CC2D1A: variants seen among roughly 807,000 people sequenced by gnomAD.
CC2D1A encodes the protein coiled-coil and C2 domain containing 1A, also known as coiled-coil and C2 domain-containing protein 1A.
Under a neutral mutation model 123.8 loss-of-function variants are expected in CC2D1A, and 68 were observed. That is an observed-to-expected ratio of 0.55 (90% CI 0.45 to 0.67). The LOEUF is 0.67. Among genes scored for constraint, CC2D1A ranks in the 30% least tolerant of loss-of-function variants. The pLI is 0.00. For synonymous variants in CC2D1A, 477 were observed against 528.0 expected (o/e 0.90, Z 1.32); for missense variants, 1,185 against 1,290.3 (o/e 0.92, Z 1.25).
Position 13,926,584 on chromosome 19 carries a change from C to A in CC2D1A, c.2008C>A (p.Pro670Thr), listed in dbSNP as rs1234777267. ...CGTGAAGGGCATCAACTTGCCCACA[C>A]CCCCAGGTGAGGGGGCTGTAGGCAA... ...FIVKGINLPT[P>T]PGLSPGDLDV... The change falls in exon 18 of 29, where the codon CCC becomes ACC. Residue 670 changes from proline to threonine, a missense_variant. Coordinates refer to ENST00000318003, the MANE Select transcript of CC2D1A (RefSeq NM_017721.5). 4 of 1,614,096 alleles carry A rather than the reference C, an allele frequency of 2.5e-6. No homozygotes were observed. The highest frequency in any genetic ancestry group is 4.5e-5 in the East Asian group (2 of 44,864).
At chr19:13,908,173 T>G (rs1970862565) in intron 1 of CC2D1A, among the ~76,000 whole-genome samples, 1 of 151,782 alleles carries the variant, frequency 6.6e-6, no homozygotes, top group African/African-American at 2.4e-5. Flanking sequence ...GCCTGGTTAA[T>G]TTTGTATTTT....
At chr19:13,929,093 T>A (rs1315888885) in intron 24 of CC2D1A, among the ~76,000 whole-genome samples, 1 of 145,454 alleles carries the variant, frequency 6.9e-6, no homozygotes, top group African/African-American at 2.6e-5. Context: ...AACCTCCAGC[T>A]CCCAGGTTCA....
chr19:13,912,935 C>T (rs577093536), intron 4 of CC2D1A, among the ~76,000 whole-genome samples: 93 of 152,314 alleles, frequency 6.1e-4, no homozygotes, highest in African/African-American at 2.0e-3. Context: ...CGTGAGCCAC[C>T]GCGCCTGGCC....
At chr19:13,909,275 T>C (rs1308039702) in intron 1 of CC2D1A, among the ~76,000 whole-genome samples, 1 of 151,786 alleles carries the variant, frequency 6.6e-6, no homozygotes, top group East Asian at 1.9e-4. Context: ...ACTCGGGATG[T>C]TGAGGCAGGA....
rs1324723114 is a variant in CC2D1A at position 13,923,477 on chromosome 19, C to T, written c.1764+22C>T. 1.2e-6 allele frequency: 2 copies of T among 1,614,152 alleles called. No individual in the cohort carries two copies. Among genetic ancestry groups the T allele is most frequent in the South Asian group, 2.2e-5 (2 of 91,084 alleles). On this transcript the variant is annotated intron_variant, in intron 15 of 28. Coordinates refer to ENST00000318003, the MANE Select transcript of CC2D1A (RefSeq NM_017721.5). The surrounding 1 kb of genome is among the most constrained non-coding windows in gnomAD (Gnocchi z 5.3). The stretch of plus-strand genomic sequence containing the variant: ...CGAGGTGAGGGGGAGGCCCCCAGCC[C>T]ATCCCCCAGGAGCGTGACCCTCCTT...
At chr19:13,922,544 G>T (rs2145346302) in intron 14 of CC2D1A, among the ~76,000 whole-genome samples, 1 of 152,220 alleles carries the variant, frequency 6.6e-6, no homozygotes, top group South Asian at 2.1e-4. Context: ...AGATCCCTCT[G>T]CTCCTCCTCC....
At chr19:13,913,974 C>G (rs1193827175) in intron 6 of CC2D1A, among the ~76,000 whole-genome samples, 1 of 151,662 alleles carries the variant, frequency 6.6e-6, no homozygotes, top group African/African-American at 2.4e-5. Flanking sequence ...CTCCACCTCC[C>G]AAGTTCAAGC....
chr19:13,921,281 C>T (rs1488599399), intron 14 of CC2D1A, among the ~76,000 whole-genome samples: 1 of 152,174 alleles, frequency 6.6e-6, no homozygotes, highest in Non-Finnish European at 1.5e-5. Context: ...ATCACTATTG[C>T]TTGTCTCCCA....
intron 5 of CC2D1A, 31 bp from the exon 6 acceptor site, chr19:13,913,373 C>T (rs1429270983): frequency 6.2e-7 from 1 of 1,610,018 alleles, no homozygotes; most frequent in East Asian, 2.2e-5. Flanking sequence ...CTCTTGGCTT[C>T]TCCCAAACCA....
rs542195640 is a variant in CC2D1A at position 13,926,057 on chromosome 19, T to C, written c.1941-460T>C. ...ATATATATATATACACGTATATATA[T>C]GTATATATACACACACACACACACA... On this transcript the variant is annotated intron_variant, in intron 17 of 28. Transcript: ENST00000318003. 4.5e-4 allele frequency among the ~76,000 whole-genome samples: 56 copies of C among 125,216 alleles called. No individual in the cohort carries two copies. In the East Asian group the frequency reaches 8.0e-3, roughly 18 times the overall value. The allele number at this position is 125,216 out of a possible 152,430, so 82.1% of individuals were successfully genotyped here. A position where few individuals can be genotyped will look rare whatever the true frequency, so the allele number is the denominator to read the frequency against.
rs1970726022 is a variant in CC2D1A, at chr19:13,906,344, G to A, written c.-98G>A. The stretch of plus-strand genomic sequence containing the variant: ...CCGCGGGGCGCCGACGAGGAGTGCA[G>A]GACTCAGGAAGGGCGAGTGCGCGGC... On this transcript the variant is annotated 5_prime_UTR_variant, in exon 1 of 29. Transcript: ENST00000318003. This position sits in a 1 kb window ranked among gnomAD's most constrained non-coding sequence, Gnocchi z 4.1. The A allele has an allele frequency of 3.0e-6, 3 of 1,009,950 alleles. No individual in the cohort carries two copies. The highest frequency in any genetic ancestry group is 4.2e-6 in the Non-Finnish European group (3 of 719,394). 62.6% of individuals were successfully genotyped at this position (1,009,950 alleles called of 1,614,324 possible).
rs759697215 is a variant in CC2D1A, at chr19:13,928,048, C to G, written c.2454+18C>G. The G allele has an allele frequency of 1.9e-6, 3 of 1,613,050 alleles. No homozygotes were observed. The African/African-American group carries it at 4.0e-5, about 22-fold the overall frequency. ...TGCCCACAGTGAGACCCCCCACCCC[C>G]ACCCATCAGCAACCCCAGGGAGGGA... On this transcript the variant is annotated intron_variant, in intron 23 of 28. Coordinates refer to ENST00000318003, the MANE Select transcript of CC2D1A (RefSeq NM_017721.5).
chr19:13,913,190 C>T lies in CC2D1A; in HGVS notation c.401C>T (p.Pro134Leu), dbSNP rs778995352. 28 of 1,612,020 alleles carry T rather than the reference C, an allele frequency of 1.7e-5. No homozygotes were observed. Among genetic ancestry groups the T allele is most frequent in the South Asian group, 2.2e-5 (2 of 90,804 alleles). Residue 134 changes from proline (P) to leucine (L), a missense_variant, in exon 5 of 29, where the codon CCG becomes CTG. Physicochemically the swap from Pro to Leu is moderately conservative, Grantham distance 98. Coordinates refer to ENST00000318003, the MANE Select transcript of CC2D1A (RefSeq NM_017721.5). ...VAQPKPEAPH[P>L]GLETTLQERL... is the part of the protein sequence containing the mutation. ...CAGCCGAAGCCTGAGGCCCCTCATC[C>T]GGGGCTGGAGACCACCTTGCAGGAG...
intron 1 of CC2D1A, among the ~76,000 whole-genome samples, chr19:13,907,990 G>A (rs1970847386): frequency 6.6e-6 from 1 of 152,078 alleles, no homozygotes; most frequent in African/African-American, 2.4e-5. Context: ...CCTGCATTGT[G>A]GTTAGGGGTT....
chr19:13,924,107 G>T (rs895382621), intron 17 of CC2D1A, among the ~76,000 whole-genome samples: 1 of 152,316 alleles, frequency 6.6e-6, no homozygotes, highest in Non-Finnish European at 1.5e-5. Flanking sequence ...GCTTTGGTGG[G>T]TGTTAGTCTT....
intron 12 of CC2D1A, 36 bp from the exon 13 acceptor site, chr19:13,920,521 T>C (rs1268740132): frequency 7.8e-7 from 1 of 1,278,100 alleles, no homozygotes; most frequent in East Asian, 2.5e-5. Flanking sequence ...TCACAGGCGC[T>C]ACGAAATCTC....
chr19:13,911,482 C>T (rs1397085462), intron 2 of CC2D1A, among the ~76,000 whole-genome samples: 1 of 151,598 alleles, frequency 6.6e-6, no homozygotes, highest in Non-Finnish European at 1.5e-5. Flanking sequence ...CATCACTTGC[C>T]GAAGTTCTCA....
intron 24 of CC2D1A, among the ~76,000 whole-genome samples, chr19:13,928,754 G>T (rs1971747662): frequency 6.8e-6 from 1 of 147,032 alleles, no homozygotes; most frequent in South Asian, 2.2e-4. Context: ...TGTCGCCCAG[G>T]CTAGAGTGCA....
rs546300460 is a variant in CC2D1A, at chr19:13,906,424, G to T, written c.-18G>T. The T allele has an allele frequency of 6.6e-7, 1 of 1,509,896 alleles. No individual in the cohort carries two copies. The allele number at this position is 1,509,896 out of a possible 1,614,324, so 93.5% of individuals were successfully genotyped here. On this transcript the variant is annotated 5_prime_UTR_variant, in exon 1 of 29. Coordinates refer to ENST00000318003, the MANE Select transcript of CC2D1A (RefSeq NM_017721.5). This position sits in a 1 kb window ranked among gnomAD's most constrained non-coding sequence, Gnocchi z 4.1. Reference sequence around the variant, plus strand: ...GGCCGGGCTTGGGGGCAGGTGGTCCGGGCATCCAGCCTTGAAGATGCACAA... The same window carrying T: ...GGCCGGGCTTGGGGGCAGGTGGTCCTGGCATCCAGCCTTGAAGATGCACAA...
Sources: gnomAD v4.1 joint callset for allele counts (sites outside exome capture counted in the v4.1 genomes callset) on GRCh38, gnomAD v4.1.1 for gene constraint, Gnocchi (gnomAD v3.1) non-coding constraint, MANE v1.5 for transcripts, NCBI Gene and HGNC (gene_info 2026-07-23, HGNC 2026-07-21) for gene names.